NLRP5: variants seen among roughly 807,000 people sequenced by gnomAD.
NLRP5 encodes the protein NACHT, LRR and PYD domains-containing protein 5.
In NLRP5, 93 loss-of-function variants were observed where a neutral mutation model predicts 113.1. The ratio of observed to expected loss-of-function variants is 0.82; its 90% confidence interval spans 0.70 to 0.98. The LOEUF (loss-of-function observed/expected upper bound fraction) is 0.98, where lower values mean the gene tolerates loss of function less well. NLRP5 is among the 50% of genes least tolerant of loss of function. The pLI, the probability that NLRP5 is intolerant of heterozygous loss-of-function variation, is 0.00. For synonymous variants in NLRP5, 751 were observed against 600.7 expected (o/e 1.25, Z -3.66); for missense variants, 1,808 against 1,514.3 (o/e 1.19, Z -3.22).
At chr19:55,992,399 G>C in the NLRP5 span, among the ~76,000 whole-genome samples, 2 of 152,158 alleles carry the variant, frequency 1.3e-5, no homozygotes, top group East Asian at 3.9e-4. Context: ...TGATGGGATG[G>C]CTGGGTCCAA....
intron 11 of NLRP5, among the ~76,000 whole-genome samples, chr19:56,044,224 C>T (rs769221487): frequency 9.2e-5 from 14 of 151,974 alleles, no homozygotes; most frequent in Non-Finnish European, 1.5e-4. Context: ...CCACCATGCC[C>T]AGCTAATTTT....
intron 2 of NLRP5, among the ~76,000 whole-genome samples, chr19:56,006,826 G>T (rs911360517): frequency 6.6e-5 from 10 of 151,660 alleles, no homozygotes; most frequent in Non-Finnish European, 1.3e-4. Flanking sequence ...CGCAAGCTCC[G>T]CCTTCCGGGT....
At chr19:56,052,299 T>G (rs542659039) in intron 12 of NLRP5, among the ~76,000 whole-genome samples, 15 of 152,214 alleles carry the variant, frequency 9.9e-5, no homozygotes, top group Admixed American at 3.3e-4. Flanking sequence ...ACAGAGGTTC[T>G]TTCTTGTTGC....
chr19:56,045,120 G>C (rs777903076), intron 11 of NLRP5, among the ~76,000 whole-genome samples: 9 of 152,206 alleles, frequency 5.9e-5, no homozygotes, highest in Non-Finnish European at 8.8e-5. Context: ...GGAGTCCTTA[G>C]AGCTTTCAAG....
At chr19:56,009,341 A>AAAAAAAAAAAAAAAAAAC (rs1982089960) in intron 3 of NLRP5, among the ~76,000 whole-genome samples, 1 of 139,562 alleles carries the variant, frequency 7.2e-6, no homozygotes, top group Non-Finnish European at 1.5e-5. Context: ...CTCCATCTCA[A>AAAAAAAAAAAAAAAAAAC]AAAAAAAAAA....
At chr19:56,046,026 T>G (rs922234844) in intron 11 of NLRP5, among the ~76,000 whole-genome samples, 1 of 152,194 alleles carries the variant, frequency 6.6e-6, no homozygotes, top group African/African-American at 2.4e-5. Flanking sequence ...ACCTCAGTCT[T>G]ATTCCAGTTC....
Position 56,038,183 on chromosome 19 carries a change from T to A in NLRP5, c.2774T>A (p.Leu925Gln). 6.2e-7 allele frequency: 1 copy of A among 1,613,692 alleles called. No homozygotes were observed. The highest frequency in any genetic ancestry group is 2.2e-5 in the East Asian group (1 of 44,874). Residue 925 changes from leucine (L) to glutamine (Q), a missense_variant, in exon 10 of 15, where the codon CTG becomes CAG. Transcript: ENST00000390649. ...GCCTTGAGAGTCTCCCAGTGCGCCC[T>A]GCAGAAGCTGATGTGAGTGCCACTT...
At chr19:56,060,876 G>A (rs1372268408) in intron 14 of NLRP5, among the ~76,000 whole-genome samples, 1 of 152,158 alleles carries the variant, frequency 6.6e-6, no homozygotes, top group Non-Finnish European at 1.5e-5. Context: ...CTCACAAGGA[G>A]ACAGGAGTCA....
Position 56,061,461 on chromosome 19 carries a change from C to T in NLRP5, c.3536C>T (p.Pro1179Leu), listed in dbSNP as rs1984349932. 6.2e-7 allele frequency: 1 copy of T among 1,613,912 alleles called. No individual in the cohort carries two copies. The highest frequency in any genetic ancestry group is 1.1e-5 in the South Asian group (1 of 91,080). The change falls in exon 15 of 15, where the codon CCC (proline) becomes CTC (leucine). Residue 1179 changes from proline to leucine, a missense_variant. Coordinates refer to ENST00000390649, the MANE Select transcript of NLRP5 (RefSeq NM_153447.4). Reference sequence around the variant, plus strand: ...CTGGAGGAAGTGCAGCTACTCAAGCCCCGAGTCGTAATTGACGGTAGTTGG... The same window carrying T: ...CTGGAGGAAGTGCAGCTACTCAAGCTCCGAGTCGTAATTGACGGTAGTTGG...
chr19:56,023,398 C>T (rs1376255952), intron 6 of NLRP5, among the ~76,000 whole-genome samples: 2 of 152,164 alleles, frequency 1.3e-5, no homozygotes, highest in African/African-American at 2.4e-5. Context: ...CTGATGTGGA[C>T]GACAGACGGC....
chr19:56,041,222 T>A, intron 11 of NLRP5, 130 bp downstream of exon 11: 2 of 834,728 alleles, frequency 2.4e-6, no homozygotes, highest in South Asian at 3.4e-5. Flanking sequence ...ATATGCTGAA[T>A]TCTGTCCATG....
intron 6 of NLRP5, among the ~76,000 whole-genome samples, chr19:56,025,386 T>TTCTCTCTC (rs3055366): frequency 2.9e-4 from 43 of 146,564 alleles, no homozygotes; most frequent in South Asian, 8.8e-4. Context: ...ACGTGCTCCG[T>TTCTCTCTC]TCTCTCTCTC....
At chr19:56,031,627 C>CA (rs36019339) in intron 7 of NLRP5, among the ~76,000 whole-genome samples, 32,139 of 112,958 alleles carry the variant, frequency 0.28, 4,135 homozygotes, top group Non-Finnish European at 0.31. Context: ...ACTCCGTCTC[C>CA]AAAAAAAAAA....
At chr19:56,032,919 G>A (rs1983178800) in intron 8 of NLRP5, 138 bp downstream of exon 8, 1 of 832,366 alleles carries the variant, frequency 1.2e-6, no homozygotes, top group Admixed American at 2.5e-5. Flanking sequence ...TAGGAACCAA[G>A]TTCCCAAAAG....
intron 6 of NLRP5, among the ~76,000 whole-genome samples, chr19:56,024,251 C>G (rs1436611727): frequency 1.3e-5 from 2 of 150,236 alleles, no homozygotes; most frequent in African/African-American, 4.9e-5. Context: ...GCCTATAACC[C>G]GAGCACTTGG....
intron 1 of NLRP5, chr19:55,999,919 C>A: frequency 1.4e-6 from 1 of 710,622 alleles, no homozygotes; most frequent in Non-Finnish European, 2.5e-6. Context: ...GCAGAACACT[C>A]CCCGGGGTAG....
the NLRP5 span, among the ~76,000 whole-genome samples, chr19:55,993,149 C>G: frequency 6.6e-6 from 1 of 151,688 alleles, no homozygotes; most frequent in Admixed American, 6.6e-5. Context: ...GCGCCCGGCC[C>G]GAGTGATATT....
chr19:56,008,995 G>T (rs1020043472), intron 3 of NLRP5, 142 bp downstream of exon 3: 5 of 728,714 alleles, frequency 6.9e-6, no homozygotes, highest in Non-Finnish European at 1.2e-5. Context: ...TGACCGGATG[G>T]GTTCTGAGGA....
chr19:56,046,761 T>C (rs2123330933), intron 11 of NLRP5, among the ~76,000 whole-genome samples: 1 of 152,300 alleles, frequency 6.6e-6, no homozygotes, highest in East Asian at 1.9e-4. Context: ...CTCGATCTCC[T>C]GACCTCGTGA....
Sources: allele counts gnomAD v4.1 joint callset (sites outside exome capture counted in the v4.1 genomes callset), GRCh38; gene constraint gnomAD v4.1.1; transcripts MANE v1.5; gene names NCBI Gene and HGNC (gene_info 2026-07-23, HGNC 2026-07-21).